Variants in MAPK7 observed in about 807,000 individuals in gnomAD.
MAPK7 encodes BMK-1.
MAPK7 carries 30 observed loss-of-function variants against 56.9 expected under a neutral mutation model. The ratio of observed to expected loss-of-function variants is 0.53; its 90% CI spans 0.39 to 0.72. The LOEUF (loss-of-function observed/expected upper bound fraction) is 0.72. MAPK7 is among the 30% of genes least tolerant of loss of function. The probability of loss-of-function intolerance (pLI) is 0.00; values close to 1 mark genes in which losing one functional copy is unlikely to be tolerated. For synonymous variants in MAPK7, 516 were observed against 449.3 expected, an observed-to-expected ratio of 1.15 and a Z score of -1.88; for missense variants, 952 against 1,110.8, an observed-to-expected ratio of 0.86 and a Z score of 2.03.
intron 3 of MAPK7, chr17:19,380,282 C>A: frequency 2.0e-6 from 1 of 498,446 alleles, no homozygotes; most frequent in Non-Finnish European, 3.4e-6. Context: ...GGTCAATTTT[C>A]ATCATAGTTC....
At position 19,381,682 on chromosome 17, in the gene MAPK7, C is replaced by T. The variant is rs944860828; in HGVS notation, c.1473C>T (p.Leu491=). 1.3e-6 allele frequency: 2 copies of T among 1,584,800 alleles called. No homozygotes were observed. The highest frequency in any genetic ancestry group is 1.3e-5 in the African/African-American group (1 of 74,126). Residue 491 remains leucine, a synonymous_variant, in exon 4 of 7, where the codon CTC becomes CTT. Coordinates refer to ENST00000395604, the MANE Select transcript of MAPK7 (RefSeq NM_002749.4). This position sits in a 1 kb window ranked among gnomAD's most constrained non-coding sequence, Gnocchi z 4.6. ...TGCTCAAGTCTTTGAGGAGCCGGCT[C>T]AGAGGTGCCTTGTGGGCAGGTCGGG... ...AALLKSLRSR[L]RDGPSAPLEA...
chr17:19,380,503 T>G lies in MAPK7; in HGVS notation c.399-105T>G, dbSNP rs776013805. The G allele has an allele frequency of 2.0e-6, 3 of 1,487,072 alleles. No individual in the cohort carries two copies. The African/African-American group carries it at 4.2e-5, about 21-fold the overall frequency. 92.1% of individuals were successfully genotyped at this position (1,487,072 alleles called of 1,614,324 possible). A position where few individuals can be genotyped will look rare whatever the true frequency, so the allele number is the denominator to read the frequency against. On this transcript the variant is annotated intron_variant, in intron 3 of 6. Transcript: ENST00000395604. ...CGTCAGCCCCTATGGGGTCCCAGGGTAAGGCTGTTACCTGTCTGGAATCGG... is the reference window on the plus strand; with the variant it reads ...CGTCAGCCCCTATGGGGTCCCAGGGGAAGGCTGTTACCTGTCTGGAATCGG...
At position 19,381,251 on chromosome 17, in the gene MAPK7, G is replaced by T. The variant is rs913267899; in HGVS notation, c.1042G>T (p.Ala348Ser). ...AAAALRHPFLAKYHDPDDEPD... is the reference protein window; with the variant it reads ...AAAALRHPFLSKYHDPDDEPD... Reference sequence around the variant, plus strand: ...TGCTGCCCTTCGCCACCCTTTCCTGGCCAAGTACCATGATCCTGATGATGA... The same window carrying T: ...TGCTGCCCTTCGCCACCCTTTCCTGTCCAAGTACCATGATCCTGATGATGA... The change falls in exon 4 of 7, where the codon GCC becomes TCC. Residue 348 changes from alanine (A) to serine (S), a missense_variant. Around this residue, in one of 5 missense-constraint regions of MAPK7, gnomAD observed 429 missense variants for 533.0 expected, o/e 0.80. Coordinates refer to ENST00000395604, the MANE Select transcript of MAPK7 (RefSeq NM_002749.4). The surrounding 1 kb of genome is among the most constrained non-coding windows in gnomAD (Gnocchi z 4.6). The T allele has an allele frequency of 6.2e-7, 1 of 1,613,914 alleles. No individual in the cohort carries two copies. Among genetic ancestry groups the T allele is most frequent in the African/African-American group, 1.3e-5 (1 of 74,930 alleles).
At chr17:19,382,609 T>G in intron 5 of MAPK7, 143 bp downstream of exon 5, 1 of 1,476,584 alleles carries the variant, frequency 6.8e-7, no homozygotes, top group Non-Finnish European at 9.0e-7. Context: ...AGAAGGAGCA[T>G]AATGGCAATG....
At position 19,381,315 on chromosome 17, in the gene MAPK7, G is replaced by T. The variant is rs371955456; in HGVS notation, c.1106G>T (p.Arg369Leu). The T allele has an allele frequency of 6.2e-7, 1 of 1,614,060 alleles. No homozygotes were observed. The change falls in exon 4 of 7, where the codon CGC (arginine) becomes CTC (leucine). Residue 369 changes from arginine (R) to leucine (L), a missense_variant. Arg to Leu is a moderately radical substitution (Grantham distance 102). This residue lies in a region of MAPK7 where 429 missense variants were observed against 533.0 expected (regional missense o/e 0.80). Transcript: ENST00000395604. This position sits in a 1 kb window ranked among gnomAD's most constrained non-coding sequence, Gnocchi z 4.6. ...CCGCCCTTTGACTTTGCCTTTGACC[G>T]CGAAGCCCTCACTCGGGAGCGCATT... ...CAPPFDFAFD[R>L]EALTRERIKE... is the part of the protein sequence containing the mutation.
chr17:19,378,698 A>ACCCCTC lies in MAPK7; in HGVS notation c.-6+73_-6+78dup. On this transcript the variant is annotated intron_variant, in intron 1 of 6. Transcript: ENST00000395604. This position sits in a 1 kb window ranked among gnomAD's most constrained non-coding sequence, Gnocchi z 5.4. ...TTTCTTCCTGGCCCGCGCCTCGCCT[A>ACCCCTC]CCCCTCCCCCGACCCTGGCGGGCCC... 7.2e-7 allele frequency: 1 copy of ACCCCTC among 1,387,044 alleles called. No individual in the cohort carries two copies. Among genetic ancestry groups the ACCCCTC allele is most frequent in the Non-Finnish European group, 9.3e-7 (1 of 1,069,698 alleles). 85.9% of individuals were successfully genotyped at this position (1,387,044 alleles called of 1,614,324 possible). A position where few individuals can be genotyped will look rare whatever the true frequency, so the allele number is the denominator to read the frequency against.
rs1342748202 is a variant in MAPK7, at chr17:19,378,763, A to C, written c.-6+133A>C. 7.9e-6 allele frequency: 10 copies of C among 1,269,806 alleles called. No individual in the cohort carries two copies. Among genetic ancestry groups the C allele is most frequent in the Non-Finnish European group, 7.3e-6 (7 of 956,776 alleles). The allele number at this position is 1,269,806 out of a possible 1,614,324, so 78.7% of individuals were successfully genotyped here. A position where few individuals can be genotyped will look rare whatever the true frequency, so the allele number is the denominator to read the frequency against. ...GGACCCCTGGGGTAGCTAGTCTGCCACGAACCAGCCGCGCGCTTCTGCCCT... is the reference window on the plus strand; with the variant it reads ...GGACCCCTGGGGTAGCTAGTCTGCCCCGAACCAGCCGCGCGCTTCTGCCCT... On this transcript the variant is annotated intron_variant, in intron 1 of 6. Transcript: ENST00000395604. This position sits in a 1 kb window ranked among gnomAD's most constrained non-coding sequence, Gnocchi z 5.4.
Position 19,381,566 on chromosome 17 carries a change from C to T in MAPK7, c.1357C>T (p.Leu453=), listed in dbSNP as rs750682392. Residue 453 remains leucine (L), a synonymous_variant, in exon 4 of 7, where the codon CTG becomes TTG. Transcript: ENST00000395604. The surrounding 1 kb of genome is among the most constrained non-coding windows in gnomAD (Gnocchi z 4.6). ...GPAPDTIDLT[L]QPPPPVSEPA... ...TGCACCTGACACCATTGATCTGACC[C>T]TGCAGCCACCTCCACCAGTCAGTGA... 23 of 1,613,666 alleles carry T rather than the reference C, an allele frequency of 1.4e-5. No individual in the cohort carries two copies. The highest frequency in any genetic ancestry group is 1.9e-5 in the Non-Finnish European group (23 of 1,180,014).
In MAPK7 at chr17:19,382,384, C is replaced by T. The variant is rs1185194418; in HGVS notation, c.2081C>T (p.Pro694Leu). The change falls in exon 5 of 7, where the codon CCA becomes CTA. Residue 694 changes from proline to leucine, a missense_variant. Physicochemically the swap from Pro to Leu is moderately conservative, Grantham distance 98. Around this residue, in one of 5 missense-constraint regions of MAPK7, gnomAD observed 234 missense variants for 210.4 expected, o/e 1.11. Transcript: ENST00000395604. ...TACTTCCCACCTGGCCTGCCGCCCC[C>T]AGACGCCGGGGGAGCCCCTCAGTCT... ...LPYFPPGLPP[P>L]DAGGAPQSSM... 3 of 1,613,360 alleles carry T rather than the reference C, an allele frequency of 1.9e-6. No individual in the cohort carries two copies. Among genetic ancestry groups the T allele is most frequent in the Non-Finnish European group, 2.5e-6 (3 of 1,179,970 alleles).
chr17:19,381,585 T>G lies in MAPK7; in HGVS notation c.1376T>G (p.Val459Gly). 6.2e-7 allele frequency: 1 copy of G among 1,613,656 alleles called. No individual in the cohort carries two copies. The highest frequency in any genetic ancestry group is 1.3e-5 in the African/African-American group (1 of 74,978). ...IDLTLQPPPP[V>G]SEPAPPKKDG... ...CTGACCCTGCAGCCACCTCCACCAGTCAGTGAGCCTGCCCCACCAAAGAAA... is the reference window on the plus strand; with the variant it reads ...CTGACCCTGCAGCCACCTCCACCAGGCAGTGAGCCTGCCCCACCAAAGAAA... Residue 459 changes from valine (V) to glycine (G), a missense_variant, in exon 4 of 7, where the codon GTC becomes GGC. Coordinates refer to ENST00000395604, the MANE Select transcript of MAPK7 (RefSeq NM_002749.4). The surrounding 1 kb of genome is among the most constrained non-coding windows in gnomAD (Gnocchi z 4.6).
chr17:19,381,581 C>G lies in MAPK7; in HGVS notation c.1372C>G (p.Pro458Ala). Reference protein sequence around the residue: ...TIDLTLQPPPPVSEPAPPKKD... With the variant: ...TIDLTLQPPPAVSEPAPPKKD... ...TGATCTGACCCTGCAGCCACCTCCACCAGTCAGTGAGCCTGCCCCACCAAA... is the reference window on the plus strand; with the variant it reads ...TGATCTGACCCTGCAGCCACCTCCAGCAGTCAGTGAGCCTGCCCCACCAAA... The change falls in exon 4 of 7, where the codon CCA becomes GCA. Residue 458 changes from proline (P) to alanine (A), a missense_variant. By Grantham distance (27) the Pro-to-Ala change is conservative. This residue lies in a region of MAPK7 where 429 missense variants were observed against 533.0 expected (regional missense o/e 0.80). Transcript: ENST00000395604. This position sits in a 1 kb window ranked among gnomAD's most constrained non-coding sequence, Gnocchi z 4.6. 6.2e-7 allele frequency: 1 copy of G among 1,613,938 alleles called. No individual in the cohort carries two copies. The highest frequency in any genetic ancestry group is 8.5e-7 in the Non-Finnish European group (1 of 1,180,026).
At chr17:19,382,690 C>A in intron 5 of MAPK7, 123 bp from the exon 6 acceptor site, 1 of 1,439,730 alleles carries the variant, frequency 6.9e-7, no homozygotes, top group Non-Finnish European at 9.4e-7. Flanking sequence ...CCAGCCAGCA[C>A]TCACTGACTG....
At chr17:19,378,475 A>G (rs978213089), upstream of MAPK7, 1 of 1,031,738 alleles carries the variant, frequency 9.7e-7, no homozygotes, top group South Asian at 3.5e-5. The surrounding 1 kb of genome is among the most constrained non-coding windows in gnomAD (Gnocchi z 5.4). Flanking sequence ...TGGCCTTGGG[A>G]GGCGGGGCGG....
chr17:19,379,868 A>C lies in MAPK7; in HGVS notation c.319A>C (p.Lys107Gln). 6.2e-7 allele frequency: 1 copy of C among 1,614,202 alleles called. No homozygotes were observed. The highest frequency in any genetic ancestry group is 8.5e-7 in the Non-Finnish European group (1 of 1,180,020). The stretch of plus-strand genomic sequence containing the variant: ...GACCCTCAGGGAGCTGAAGATCCTC[A>C]AGCACTTTAAACACGACAACATCAT... ...KRTLRELKIL[K>Q]HFKHDNIIAI... The change falls in exon 3 of 7, where the codon AAG (lysine) becomes CAG (glutamine). Residue 107 changes from lysine (K) to glutamine (Q), a missense_variant. Coordinates refer to ENST00000395604, the MANE Select transcript of MAPK7 (RefSeq NM_002749.4).
At position 19,379,898 on chromosome 17, in the gene MAPK7, A is replaced by G; in HGVS notation, c.349A>G (p.Ile117Val). The change falls in exon 3 of 7, where the codon ATC becomes GTC. Residue 117 changes from isoleucine to valine, a missense_variant. Coordinates refer to ENST00000395604, the MANE Select transcript of MAPK7 (RefSeq NM_002749.4). ...KHFKHDNIIAIKDILRPTVPY... is the reference protein window; with the variant it reads ...KHFKHDNIIAVKDILRPTVPY... Reference sequence around the variant, plus strand: ...CTTTAAACACGACAACATCATCGCCATCAAGGACATCCTGAGGCCCACCGT... The same window carrying G: ...CTTTAAACACGACAACATCATCGCCGTCAAGGACATCCTGAGGCCCACCGT... 1 of 1,614,246 alleles carries G rather than the reference A, an allele frequency of 6.2e-7. No individual in the cohort carries two copies. Among genetic ancestry groups the G allele is most frequent in the Non-Finnish European group, 8.5e-7 (1 of 1,180,054 alleles).
At position 19,382,806 on chromosome 17, in the gene MAPK7, C is replaced by G. The variant is rs1367910394; in HGVS notation, c.2164-7C>G. On this transcript the variant is annotated splice_region_variant and splice_polypyrimidine_tract_variant and intron_variant, in intron 5 of 6. Coordinates refer to ENST00000395604, the MANE Select transcript of MAPK7 (RefSeq NM_002749.4). ...CTGTCTGCATTGTAACCTGTCATTC[C>G]CTGCAGGTGGAGGACCCCCTGCCCC... 6.2e-7 allele frequency: 1 copy of G among 1,613,634 alleles called. No homozygotes were observed. The highest frequency in any genetic ancestry group is 8.5e-7 in the Non-Finnish European group (1 of 1,179,778).
rs572641529 is a variant in MAPK7, at chr17:19,382,172, T to G, written c.1869T>G (p.Ser623=). Residue 623 remains serine (S), a synonymous_variant, in exon 5 of 7, where the codon TCT becomes TCG. Transcript: ENST00000395604. ...GCCCGCAACCACAATCTGCGGGCTCTACCTCTGGCCCTGTACCCCAGCCTG... is the reference window on the plus strand; with the variant it reads ...GCCCGCAACCACAATCTGCGGGCTCGACCTCTGGCCCTGTACCCCAGCCTG... ...PTGPQPQSAG[S]TSGPVPQPAC... 96 of 1,612,272 alleles carry G rather than the reference T, an allele frequency of 6.0e-5. No individual in the cohort carries two copies. The highest frequency in any genetic ancestry group is 3.3e-4 in the Middle Eastern group (2 of 6,056).
Position 19,381,432 on chromosome 17 carries a change from T to C in MAPK7, c.1223T>C (p.Val408Ala), listed in dbSNP as rs1273305442. ...QIRFQPSLQP[V>A]ASEPGCPDVE... is the part of the protein sequence containing the mutation. ...CGCTTCCAGCCTTCTCTACAGCCTG[T>C]GGCTAGTGAGCCTGGCTGTCCAGAT... is the stretch of plus-strand genomic sequence containing the variant. Residue 408 changes from valine (V) to alanine (A), a missense_variant, in exon 4 of 7, where the codon GTG (valine) becomes GCG (alanine). By Grantham distance (64) the Val-to-Ala change is moderately conservative. Coordinates refer to ENST00000395604, the MANE Select transcript of MAPK7 (RefSeq NM_002749.4). The surrounding 1 kb of genome is among the most constrained non-coding windows in gnomAD (Gnocchi z 4.6). 1 of 1,614,054 alleles carries C rather than the reference T, an allele frequency of 6.2e-7. No individual in the cohort carries two copies. The highest frequency in any genetic ancestry group is 8.5e-7 in the Non-Finnish European group (1 of 1,180,052).
chr17:19,383,331 G>T lies in MAPK7; in HGVS notation c.*100G>T, dbSNP rs867831560. The T allele has an allele frequency of 1.3e-5, 18 of 1,359,780 alleles. No individual in the cohort carries two copies. The highest frequency in any genetic ancestry group is 4.9e-4 in the Middle Eastern group (2 of 4,062). 84.2% of individuals were successfully genotyped at this position (1,359,780 alleles called of 1,614,324 possible). On this transcript the variant is annotated 3_prime_UTR_variant, in exon 7 of 7. Coordinates refer to ENST00000395604, the MANE Select transcript of MAPK7 (RefSeq NM_002749.4). ...CCCTGGACCCAGCAGGTGAGGCTCG[G>T]CTTGGATTATTCTGCAGGTTCATCT...
Sources: gnomAD v4.1 joint callset for allele counts on GRCh38, gnomAD v4.1.1 for gene constraint, gnomAD v4.1.1 regional missense constraint, Gnocchi (gnomAD v3.1) non-coding constraint, MANE v1.5 for transcripts, NCBI Gene and HGNC (gene_info 2026-07-23, HGNC 2026-07-21) for gene names.